Variants in PTPRD observed in about 807,000 individuals in gnomAD.
PTPRD encodes protein tyrosine phosphatase receptor type D, also known as receptor-type tyrosine-protein phosphatase delta.
Under a neutral mutation model 214.5 loss-of-function variants are expected in PTPRD, and 34 were observed. The observed-to-expected ratio is 0.16, with a 90% CI of 0.12 to 0.21. The LOEUF (loss-of-function observed/expected upper bound fraction) is 0.21. Among genes scored for constraint, PTPRD ranks in the 10% least tolerant of loss-of-function variants. PTPRD has a pLI of 1.00. For missense variants in PTPRD, 2,545 were observed against 2,398.7 expected (o/e 1.06, Z -1.27); for synonymous variants, 1,128 against 845.7 (o/e 1.33, Z -5.79).
intron 9 of PTPRD, among the ~76,000 whole-genome samples, chr9:9,270,761 G>A (rs1175268112): frequency 2.0e-5 from 3 of 151,398 alleles, no homozygotes; most frequent in Non-Finnish European, 4.4e-5. Context: ...TGACATGATG[G>A]TATCTTTAGA....
rs150029915 is a variant in PTPRD, at chr9:8,974,458, T to C, written c.-104+44239A>G. On this transcript the variant is annotated intron_variant, in intron 11 of 45. Transcript: ENST00000381196. The stretch of plus-strand genomic sequence containing the variant: ...ACATGTGCAGAACATGCAGCTTTGT[T>C]ACATAGGTATACATGCGCCATGGTG... Among the ~76,000 whole-genome samples, 278 of 152,168 alleles carry C rather than the reference T, an allele frequency of 1.8e-3. 2 individuals are homozygous for C. The highest frequency in any genetic ancestry group is 6.5e-3 in the African/African-American group (272 of 41,554).
At chr9:10,343,598 G>A (rs1376356581) in intron 2 of PTPRD, among the ~76,000 whole-genome samples, 1 of 152,084 alleles carries the variant, frequency 6.6e-6, no homozygotes, top group Non-Finnish European at 1.5e-5. Context: ...CACCAACAGT[G>A]AAAAAGTGTT....
intron 39 of PTPRD, among the ~76,000 whole-genome samples, chr9:8,357,057 T>C (rs981928752): frequency 9.8e-5 from 15 of 152,324 alleles, no homozygotes; most frequent in African/African-American, 3.6e-4. Context: ...GATTAACTCA[T>C]GGATATCTAT....
At chr9:10,305,788 A>T (rs560155249) in intron 3 of PTPRD, among the ~76,000 whole-genome samples, 4 of 152,120 alleles carry the variant, frequency 2.6e-5, no homozygotes, top group Non-Finnish European at 4.4e-5. Flanking sequence ...GCCGGAGAGG[A>T]TGTGGAGAAA....
At chr9:9,957,984 C>G (rs2094070175) in intron 4 of PTPRD, among the ~76,000 whole-genome samples, 1 of 152,070 alleles carries the variant, frequency 6.6e-6, no homozygotes, top group Non-Finnish European at 1.5e-5. Flanking sequence ...GAAAAGGTAT[C>G]TTTCAGCAAA....
intron 39 of PTPRD, among the ~76,000 whole-genome samples, chr9:8,373,241 A>C (rs2082075028): frequency 6.6e-6 from 1 of 151,954 alleles, no homozygotes; most frequent in Non-Finnish European, 1.5e-5. Flanking sequence ...TCAAGTTTTA[A>C]CTTGGCTTGT....
In PTPRD at chr9:10,385,988, T is replaced by C. The variant is rs376720933; in HGVS notation, c.-599-44971A>G. On this transcript the variant is annotated intron_variant, in intron 2 of 45. Coordinates refer to ENST00000381196, the MANE Select transcript of PTPRD (RefSeq NM_002839.4). The stretch of plus-strand genomic sequence containing the variant: ...CTTTTGAACAATTATTTCTCTAAGT[T>C]GTCATATTTCTTTACCTTTGGATTT... Among the ~76,000 whole-genome samples, 25 of 152,010 alleles carry C rather than the reference T, an allele frequency of 1.6e-4. 1 individual carries two copies. In the East Asian group the frequency reaches 4.9e-3, roughly 30 times the overall value.
intron 3 of PTPRD, among the ~76,000 whole-genome samples, chr9:10,262,529 C>T (rs1005999417): frequency 2.6e-5 from 4 of 152,166 alleles, no homozygotes; most frequent in South Asian, 4.1e-4. Context: ...CTATCCTATA[C>T]CATCCATGTA....
chr9:10,393,419 G>A (rs190338240), intron 2 of PTPRD, among the ~76,000 whole-genome samples: 5 of 151,536 alleles, frequency 3.3e-5, no homozygotes, highest in Middle Eastern at 3.4e-3. Context: ...TTCTTTCAAG[G>A]TTCTGATTTA....
At chr9:8,926,363 AAT>A (rs1475996997) in intron 11 of PTPRD, among the ~76,000 whole-genome samples, 1 of 152,150 alleles carries the variant, frequency 6.6e-6, no homozygotes, top group Non-Finnish European at 1.5e-5. Context: ...ATAGGAGTAA[AAT>A]ATAATAATAT....
intron 9 of PTPRD, among the ~76,000 whole-genome samples, chr9:9,248,429 A>T (rs2099974007): frequency 6.6e-6 from 1 of 152,042 alleles, no homozygotes; most frequent in Non-Finnish European, 1.5e-5. Flanking sequence ...GTTGCATTTT[A>T]TAACATTTGT....
intron 21 of PTPRD, among the ~76,000 whole-genome samples, chr9:8,509,482 A>T (rs1424283164): frequency 6.6e-6 from 1 of 152,044 alleles, no homozygotes; most frequent in Non-Finnish European, 1.5e-5. Context: ...GTTTGTGTTA[A>T]CTCCTGACTC....
At chr9:10,543,030 C>T (rs74327312) in intron 2 of PTPRD, among the ~76,000 whole-genome samples, 4,548 of 151,250 alleles carry the variant, frequency 0.03, 108 homozygotes, top group East Asian at 0.096. Flanking sequence ...GGATTACAGG[C>T]GTAATCTACC....
At chr9:10,512,010 A>G (rs866628898) in intron 2 of PTPRD, among the ~76,000 whole-genome samples, 1 of 79,392 alleles carries the variant, frequency 1.3e-5, no homozygotes, top group Non-Finnish European at 2.4e-5. Flanking sequence ...ATATATATAT[A>G]CGTGTGTGTA....
At chr9:10,054,530 C>A (rs910805588) in intron 3 of PTPRD, among the ~76,000 whole-genome samples, 3 of 152,098 alleles carry the variant, frequency 2.0e-5, no homozygotes, top group African/African-American at 7.2e-5. Context: ...AATTGTAAAT[C>A]CTTTCCTGGA....
At position 9,707,835 on chromosome 9, in the gene PTPRD, C is replaced by T. The variant is rs2097653564; in HGVS notation, c.-287+26698G>A. Among the ~76,000 whole-genome samples the T allele has an allele frequency of 2.0e-5, 3 of 151,966 alleles. No individual in the cohort carries two copies. In the South Asian group the frequency reaches 6.2e-4, roughly 32 times the overall value. On this transcript the variant is annotated intron_variant, in intron 7 of 45. Coordinates refer to ENST00000381196, the MANE Select transcript of PTPRD (RefSeq NM_002839.4). ...ACTATTGAAACCTGTAGTTATTTGT[C>T]CACACAATCAATGACTCCACCTGCT...
chr9:10,013,941 A>G (rs1352318825), intron 4 of PTPRD, among the ~76,000 whole-genome samples: 3 of 151,912 alleles, frequency 2.0e-5, no homozygotes, highest in Non-Finnish European at 2.9e-5. Flanking sequence ...GCTTAATAGC[A>G]TTGAATGAAA....
intron 11 of PTPRD, among the ~76,000 whole-genome samples, chr9:8,915,668 G>T (rs573049849): frequency 7.2e-5 from 11 of 152,258 alleles, no homozygotes; most frequent in African/African-American, 2.6e-4. Flanking sequence ...AGGAAGAGAT[G>T]ATGTTTCAAC....
chr9:10,429,374 A>G (rs1214226654), intron 2 of PTPRD, among the ~76,000 whole-genome samples: 1 of 152,010 alleles, frequency 6.6e-6, no homozygotes, highest in Non-Finnish European at 1.5e-5. Context: ...TCTAAAAGAA[A>G]CCCTGCAGTT....
Sources: allele counts gnomAD v4.1 joint callset (sites outside exome capture counted in the v4.1 genomes callset), GRCh38; gene constraint gnomAD v4.1.1; transcripts MANE v1.5; gene names NCBI Gene and HGNC (gene_info 2026-07-23, HGNC 2026-07-21).